SHANK2: variants seen among roughly 807,000 people sequenced by gnomAD.
SHANK2 encodes the protein SH3 and multiple ankyrin repeat domains 2.
In SHANK2, 43 loss-of-function variants were observed where a neutral mutation model predicts 133.7. The ratio of observed to expected loss-of-function variants is 0.32; its 90% CI spans 0.25 to 0.41. The LOEUF (loss-of-function observed/expected upper bound fraction) is 0.41. Among genes scored for constraint, SHANK2 ranks in the 10% least tolerant of loss-of-function variants. SHANK2 has a pLI of 1.00. For missense variants in SHANK2, 1,994 were observed against 2,235.8 expected (o/e 0.89, Z 2.18); for synonymous variants, 1,017 against 952.8 (o/e 1.07, Z -1.24).
chr11:70,479,683 A>C lies in SHANK2; in HGVS notation c.4979+5631T>G, dbSNP rs2058708460. On this transcript the variant is annotated intron_variant, in intron 25 of 25. Coordinates refer to ENST00000601538, the MANE Select transcript of SHANK2 (RefSeq NM_012309.5). The surrounding 1 kb of genome is among the most constrained non-coding windows in gnomAD (Gnocchi z 4.4). Reference sequence around the variant, plus strand: ...AGCCATGGGGGACCCCCACAAGCACACACTCACTGCTCTGTTGCCCCCACA... The same window carrying C: ...AGCCATGGGGGACCCCCACAAGCACCCACTCACTGCTCTGTTGCCCCCACA... Among the ~76,000 whole-genome samples the C allele has an allele frequency of 6.6e-6, 1 of 152,258 alleles. No individual in the cohort carries two copies. The highest frequency in any genetic ancestry group is 2.1e-4 in the South Asian group (1 of 4,836).
intron 10 of SHANK2, among the ~76,000 whole-genome samples, chr11:70,938,530 G>A (rs1375561130): frequency 6.6e-6 from 1 of 152,178 alleles, no homozygotes; most frequent in African/African-American, 2.4e-5. Context: ...GTGTCATTTT[G>A]CTCACTAAGA....
chr11:70,537,315 T>C (rs1415849313), intron 17 of SHANK2, among the ~76,000 whole-genome samples: 1 of 152,248 alleles, frequency 6.6e-6, no homozygotes, highest in Non-Finnish European at 1.5e-5. Flanking sequence ...AACCTGTGAA[T>C]ATGACTTTAT....
chr11:70,586,672 T>C (rs1156391498), intron 17 of SHANK2, among the ~76,000 whole-genome samples: 2 of 152,134 alleles, frequency 1.3e-5, no homozygotes, highest in African/African-American at 2.4e-5. Flanking sequence ...AATTTAGCAA[T>C]TTGAAAAAAG....
In SHANK2 at chr11:70,471,151, G is replaced by A; in HGVS notation, c.*1718C>T. 2.5e-6 allele frequency: 1 copy of A among 396,608 alleles called. No individual in the cohort carries two copies. Among genetic ancestry groups the A allele is most frequent in the Non-Finnish European group, 4.4e-6 (1 of 225,520 alleles). The allele number at this position is 396,608 out of a possible 1,614,324, so 24.6% of individuals were successfully genotyped here. ...AGCCACTTTTTTTTCTTAAAATATT[G>A]TGCTTATAAACTATCTGTACAACTA... On this transcript the variant is annotated 3_prime_UTR_variant, in exon 26 of 26. Coordinates refer to ENST00000601538, the MANE Select transcript of SHANK2 (RefSeq NM_012309.5). This position sits in a 1 kb window ranked among gnomAD's most constrained non-coding sequence, Gnocchi z 4.1.
At chr11:71,199,517 A>G (rs556994865) in intron 2 of SHANK2, among the ~76,000 whole-genome samples, 1 of 152,330 alleles carries the variant, frequency 6.6e-6, no homozygotes, top group African/African-American at 2.4e-5. Context: ...GGATGGGAGG[A>G]AGACACAGCA....
chr11:70,810,254 C>T (rs564255504), intron 12 of SHANK2, among the ~76,000 whole-genome samples: 1 of 152,204 alleles, frequency 6.6e-6, no homozygotes, highest in African/African-American at 2.4e-5. Flanking sequence ...GCCAGGCCCC[C>T]ACCTGAGAGG....
rs571961722 is a variant in SHANK2, at chr11:70,672,223, C to T, written c.1854-10545G>A. 4.6e-5 allele frequency among the ~76,000 whole-genome samples: 7 copies of T among 152,140 alleles called. No homozygotes were observed. In the South Asian group the frequency reaches 1.5e-3, roughly 32 times the overall value. Reference sequence around the variant, plus strand: ...GGATTACAGGTGCCCGCCACCATGCCTGGCTAATTTTTATATTTTTAGTAG... The same window carrying T: ...GGATTACAGGTGCCCGCCACCATGCTTGGCTAATTTTTATATTTTTAGTAG... On this transcript the variant is annotated intron_variant, in intron 15 of 25. Transcript: ENST00000601538.
chr11:70,721,264 C>T (rs1395116987), intron 14 of SHANK2, among the ~76,000 whole-genome samples: 1 of 152,242 alleles, frequency 6.6e-6, no homozygotes, highest in African/African-American at 2.4e-5. Flanking sequence ...GGGTTTCCCT[C>T]AGGGACTGCA....
chr11:70,594,911 G>A (rs1554989074), intron 17 of SHANK2, among the ~76,000 whole-genome samples: 1 of 152,088 alleles, frequency 6.6e-6, no homozygotes, highest in African/African-American at 2.4e-5. Flanking sequence ...CCCCATGTTC[G>A]TGGTTCATTT....
chr11:70,775,970 T>G (rs1186557806), intron 14 of SHANK2, among the ~76,000 whole-genome samples: 1 of 152,238 alleles, frequency 6.6e-6, no homozygotes, highest in Non-Finnish European at 1.5e-5. Context: ...AGCCATGGCA[T>G]GCTCTGGAGG....
intron 14 of SHANK2, among the ~76,000 whole-genome samples, chr11:70,795,999 A>G (rs1360846893): frequency 1.3e-5 from 2 of 152,076 alleles, no homozygotes; most frequent in Admixed American, 1.3e-4. Context: ...CTGGAGCAAG[A>G]TCACCCTTCT....
Position 70,807,295 on chromosome 11 carries a change from T to C in SHANK2, c.1494-124A>G, listed in dbSNP as rs1948184063. 7.7e-6 allele frequency: 5 copies of C among 652,416 alleles called. No homozygotes were observed. The highest frequency in any genetic ancestry group is 2.7e-5 in the Admixed American group (1 of 37,540). 40.4% of individuals were successfully genotyped at this position (652,416 alleles called of 1,614,324 possible). ...CCTCGGCTGGCCGCATCAGAACTCC[T>C]GATGCCAGACAGGAAGATGGGAACA... On this transcript the variant is annotated intron_variant, in intron 12 of 25. Transcript: ENST00000601538. This position sits in a 1 kb window ranked among gnomAD's most constrained non-coding sequence, Gnocchi z 4.8.
At chr11:70,778,811 C>T (rs1947422062) in intron 14 of SHANK2, among the ~76,000 whole-genome samples, 1 of 152,188 alleles carries the variant, frequency 6.6e-6, no homozygotes. Flanking sequence ...GCCTACTGCC[C>T]TCCACACTGG....
intron 17 of SHANK2, among the ~76,000 whole-genome samples, chr11:70,632,569 C>T (rs1404584238): frequency 1.3e-5 from 2 of 152,004 alleles, no homozygotes; most frequent in Non-Finnish European, 2.9e-5. Context: ...TTTTATAGAA[C>T]CGCCTTTTAC....
intron 17 of SHANK2, among the ~76,000 whole-genome samples, chr11:70,507,651 G>A (rs1295830400): frequency 2.6e-5 from 4 of 152,170 alleles, no homozygotes; most frequent in Non-Finnish European, 5.9e-5. Flanking sequence ...CCTAGATGCA[G>A]GCCCAGTGGA....
At chr11:71,129,516 G>T (rs1466624687) in intron 3 of SHANK2, among the ~76,000 whole-genome samples, 1 of 152,294 alleles carries the variant, frequency 6.6e-6, no homozygotes, top group East Asian at 1.9e-4. Context: ...ATGATGGTAC[G>T]TGTCTGCAGT....
intron 14 of SHANK2, among the ~76,000 whole-genome samples, chr11:70,733,137 C>A (rs1363625232): frequency 2.0e-5 from 3 of 152,132 alleles, no homozygotes; most frequent in Non-Finnish European, 4.4e-5. Flanking sequence ...ACCGGAGCCA[C>A]TGAGAGTGCC....
intron 10 of SHANK2, among the ~76,000 whole-genome samples, chr11:70,901,437 G>T (rs979634010): frequency 6.6e-6 from 1 of 152,222 alleles, no homozygotes; most frequent in African/African-American, 2.4e-5. Context: ...GACTAGTCCT[G>T]TAAGAACGGA....
Position 70,563,265 on chromosome 11 carries a change from T to C in SHANK2, c.2062-60334A>G, listed in dbSNP as rs781812368. ...ATTTCAGCAGTTGCTTTAGAATTTA[T>C]ATTTATAGTAGACACCCTTAACTTA... is the stretch of plus-strand genomic sequence containing the variant. On this transcript the variant is annotated intron_variant, in intron 17 of 25. Coordinates refer to ENST00000601538, the MANE Select transcript of SHANK2 (RefSeq NM_012309.5). Among the ~76,000 whole-genome samples the C allele has an allele frequency of 1.8e-4, 27 of 152,340 alleles. No homozygotes were observed. The East Asian group carries it at 5.0e-3, about 28-fold the overall frequency.
Sources: gnomAD v4.1 joint callset for allele counts (sites outside exome capture counted in the v4.1 genomes callset) on GRCh38, gnomAD v4.1.1 for gene constraint, Gnocchi (gnomAD v3.1) non-coding constraint, MANE v1.5 for transcripts, NCBI Gene and HGNC (gene_info 2026-07-23, HGNC 2026-07-21) for gene names.